The following CEP120 variants were observed in gnomAD, a reference collection of about 807,000 sequenced individuals.
The protein encoded by CEP120 is centrosomal protein 120.
Under a neutral mutation model 126.5 loss-of-function variants are expected in CEP120, and 113 were observed. The observed-to-expected ratio is 0.89, with a 90% confidence interval of 0.77 to 1.04. CEP120 has a LOEUF of 1.04. Among genes scored for constraint, CEP120 ranks in the 50% least tolerant of loss-of-function variants. CEP120 has a pLI of 0.00. For missense variants in CEP120, 1,230 were observed against 1,155.7 expected, an observed-to-expected ratio of 1.06 and a Z score of -0.93; for synonymous variants, 400 against 394.3, an observed-to-expected ratio of 1.01 and a Z score of -0.17.
intron 4 of CEP120, among the ~76,000 whole-genome samples, chr5:123,411,433 G>C (rs1580736507): frequency 6.6e-6 from 1 of 152,154 alleles, no homozygotes; most frequent in Admixed American, 6.5e-5. Flanking sequence ...AAAGTTAGAA[G>C]CAACCAAGAT....
chr5:123,354,441 A>G (rs1769419695), intron 18 of CEP120, among the ~76,000 whole-genome samples: 1 of 152,090 alleles, frequency 6.6e-6, no homozygotes, highest in Non-Finnish European at 1.5e-5. Flanking sequence ...CTTCTACATT[A>G]TTACTTATTT....
intron 7 of CEP120, 102 bp from the exon 8 acceptor site, chr5:123,390,242 C>G (rs1772305515): frequency 3.4e-6 from 3 of 883,724 alleles, no homozygotes; most frequent in Admixed American, 2.2e-5. Flanking sequence ...CTTCCTTTCC[C>G]AGTTTGGATA....
At chr5:123,377,670 G>C (rs935150726) in intron 15 of CEP120, 135 bp from the exon 16 acceptor site, 3 of 652,436 alleles carry the variant, frequency 4.6e-6, no homozygotes, top group Middle Eastern at 4.2e-4. Flanking sequence ...TTAGTTATTA[G>C]AGAGTTAATG....
intron 2 of CEP120, among the ~76,000 whole-genome samples, chr5:123,416,916 CACA>C (rs1774425881): frequency 6.6e-6 from 1 of 151,938 alleles, no homozygotes; most frequent in East Asian, 1.9e-4. Flanking sequence ...AATAATATAA[CACA>C]TAACAGTGTT....
At chr5:123,373,987 A>AAT (rs1156298009) in intron 16 of CEP120, among the ~76,000 whole-genome samples, 1 of 152,058 alleles carries the variant, frequency 6.6e-6, no homozygotes, top group African/African-American at 2.4e-5. Context: ...ATGTAATGAA[A>AAT]ATAAAATGTG....
intron 6 of CEP120, 26 bp from the exon 7 acceptor site, chr5:123,391,363 T>C: frequency 6.6e-7 from 1 of 1,515,940 alleles, no homozygotes; most frequent in Non-Finnish European, 9.1e-7. Flanking sequence ...AAAATCAAAA[T>C]AGGGCTTTAT....
Position 123,416,080 on chromosome 5 carries a change from G to C in CEP120, c.251C>G (p.Pro84Arg). Residue 84 changes from proline (P) to arginine (R), a missense_variant, in exon 3 of 20, where the codon CCT (proline) becomes CGT (arginine). By Grantham distance (103) the Pro-to-Arg change is moderately radical. Coordinates refer to ENST00000306467, the MANE Select transcript of CEP120 (RefSeq NM_001375405.1). ...TATGGTTTCCTTGGCTGAAGTTACA[G>C]GATCCAAGGCAAAACATTGGAGTTT... ...PIKLQCFALD[P>R]VTSAKETIGY... is the part of the protein sequence containing the mutation. 2 of 1,614,006 alleles carry C rather than the reference G, an allele frequency of 1.2e-6. No homozygotes were observed.
chr5:123,368,503 ATATGTAAGAAAAAGAATC>A (rs1770628148), intron 17 of CEP120, among the ~76,000 whole-genome samples: 1 of 151,996 alleles, frequency 6.6e-6, no homozygotes, highest in African/African-American at 2.4e-5. Context: ...AACTGACCAA[ATATGTAAGAAAAAGAATC>A]AATTAAGACT....
intron 17 of CEP120, among the ~76,000 whole-genome samples, chr5:123,367,101 C>G (rs1245293439): frequency 6.6e-6 from 1 of 151,784 alleles, no homozygotes; most frequent in Admixed American, 6.6e-5. Flanking sequence ...ATTTACTGCT[C>G]TCTGAGTAAT....
At chr5:123,385,237 G>A in intron 10 of CEP120, 104 bp from the exon 11 acceptor site, 1 of 835,718 alleles carries the variant, frequency 1.2e-6, no homozygotes, top group East Asian at 2.8e-5. Context: ...GATGTTTTTT[G>A]TTACCTGGAA....
chr5:123,392,614 A>G (rs1772478580), intron 6 of CEP120, among the ~76,000 whole-genome samples: 1 of 152,150 alleles, frequency 6.6e-6, no homozygotes, highest in South Asian at 2.1e-4. Flanking sequence ...GGACTCAAGC[A>G]GTCCTTCCAC....
intron 17 of CEP120, 84 bp downstream of exon 17, chr5:123,372,566 T>G: frequency 7.5e-7 from 1 of 1,335,544 alleles, no homozygotes; most frequent in Non-Finnish European, 1.1e-6. Context: ...CAGCAAAACA[T>G]TATTATATTG....
chr5:123,390,476 A>G, intron 7 of CEP120: 1 of 350,284 alleles, frequency 2.9e-6, no homozygotes, highest in South Asian at 2.6e-5. Context: ...AAAGAGAAAA[A>G]ACACATGTCT....
At chr5:123,413,701 T>C (rs1330834097) in intron 3 of CEP120, among the ~76,000 whole-genome samples, 2 of 152,236 alleles carry the variant, frequency 1.3e-5, no homozygotes, top group Non-Finnish European at 2.9e-5. Flanking sequence ...TATATTCAAG[T>C]CATGTTTGAT....
intron 9 of CEP120, among the ~76,000 whole-genome samples, chr5:123,388,063 C>T (rs1562049940): frequency 2.1e-5 from 1 of 47,844 alleles, no homozygotes; most frequent in Non-Finnish European, 4.5e-5. Context: ...TTTTTTTGAC[C>T]ATTATTATTA....
At chr5:123,373,572 C>T (rs1771003669) in intron 16 of CEP120, among the ~76,000 whole-genome samples, 1 of 152,058 alleles carries the variant, frequency 6.6e-6, no homozygotes, top group African/African-American at 2.4e-5. Flanking sequence ...ACTTTGAGGC[C>T]AACAAGCCAA....
At chr5:123,402,205 G>A (rs567130691) in intron 4 of CEP120, 23 of 1,554,470 alleles carry the variant, frequency 1.5e-5, no homozygotes, top group African/African-American at 8.1e-5. Context: ...AGGCCACCCC[G>A]AAAGCAGCTG....
intron 4 of CEP120, among the ~76,000 whole-genome samples, chr5:123,407,429 A>G (rs906210601): frequency 3.9e-5 from 6 of 152,218 alleles, no homozygotes; most frequent in African/African-American, 1.4e-4. Context: ...AGAAAATGGT[A>G]GTAGTTATAT....
rs1349687954 is a variant in CEP120 at position 123,423,147 on chromosome 5, C to T, written c.-149G>A. 3.0e-6 allele frequency: 2 copies of T among 660,022 alleles called. No individual in the cohort carries two copies. Among genetic ancestry groups the T allele is most frequent in the Non-Finnish European group, 2.7e-6 (1 of 374,064 alleles). 40.9% of individuals were successfully genotyped at this position (660,022 alleles called of 1,614,324 possible). A position where few individuals can be genotyped will look rare whatever the true frequency, so the allele number is the denominator to read the frequency against. On this transcript the variant is annotated 5_prime_UTR_variant, in exon 1 of 20. Coordinates refer to ENST00000306467, the MANE Select transcript of CEP120 (RefSeq NM_001375405.1). ...CCCGCTCCGCAGCCAGGTCCCACCGCCGTCTGCTGCAGCGCGCCCGGCTCC... is the reference window on the plus strand; with the variant it reads ...CCCGCTCCGCAGCCAGGTCCCACCGTCGTCTGCTGCAGCGCGCCCGGCTCC...
Sources: allele counts gnomAD v4.1 joint callset (sites outside exome capture counted in the v4.1 genomes callset), GRCh38; gene constraint gnomAD v4.1.1; transcripts MANE v1.5; gene names NCBI Gene and HGNC (gene_info 2026-07-23, HGNC 2026-07-21).